MGRN1: variants seen among roughly 807,000 people sequenced by gnomAD.
MGRN1 encodes the protein E3 ubiquitin-protein ligase MGRN1.
MGRN1 carries 29 observed loss-of-function variants against 69.2 expected under a neutral mutation model. The ratio of observed to expected loss-of-function variants is 0.42; its 90% CI spans 0.31 to 0.57. The LOEUF (loss-of-function observed/expected upper bound fraction) is 0.57. Among genes scored for constraint, MGRN1 ranks in the 20% least tolerant of loss-of-function variants. MGRN1 has a pLI of 0.15. For synonymous variants in MGRN1, 470 were observed against 344.2 expected (o/e 1.37, Z -4.04); for missense variants, 998 against 796.2 (o/e 1.25, Z -3.05).
At chr16:4,671,600 T>G (rs1371306242) in intron 9 of MGRN1, 141 bp downstream of exon 9, 12 of 730,486 alleles carry the variant, frequency 1.6e-5, no homozygotes, top group Non-Finnish European at 2.8e-5. Flanking sequence ...TTTCCTTAAT[T>G]TTTTTTAAAG....
intron 1 of MGRN1, chr16:4,633,471 C>T (rs1308228800): frequency 2.0e-5 from 3 of 151,762 alleles, no homozygotes; most frequent in Non-Finnish European, 2.9e-5. Context: ...GCGGGTGGAT[C>T]ACCTGAGGTC....
Position 4,673,743 on chromosome 16 carries a change from A to C in MGRN1, c.955+86A>C, listed in dbSNP as rs544125393. 1.6e-4 allele frequency: 234 copies of C among 1,484,802 alleles called. 2 individuals carry two copies. In the African/African-American group the frequency reaches 3.1e-3, roughly 20 times the overall value. The allele number at this position is 1,484,802 out of a possible 1,614,324, so 92.0% of individuals were successfully genotyped here. A position where few individuals can be genotyped will look rare whatever the true frequency, so the allele number is the denominator to read the frequency against. Reference sequence around the variant, plus strand: ...CGGTGGTCCTGGGATAGGGGGCCACAGGTCCGTTGATGGCTAAGAAAGAAG... The same window carrying C: ...CGGTGGTCCTGGGATAGGGGGCCACCGGTCCGTTGATGGCTAAGAAAGAAG... On this transcript the variant is annotated intron_variant, in intron 10 of 16. Coordinates refer to ENST00000262370, the MANE Select transcript of MGRN1 (RefSeq NM_015246.4).
Position 4,642,466 on chromosome 16 carries a change from TTGTGTGTGTGTGTGTG to T in MGRN1, c.89-7879_89-7864del, listed in dbSNP as rs143119735. Among the ~76,000 whole-genome samples the T allele has an allele frequency of 2.0e-3, 284 of 141,820 alleles. 1 individual carries two copies. Among genetic ancestry groups the T allele is most frequent in the Middle Eastern group, 0.011 (3 of 280 alleles). 93.0% of individuals were successfully genotyped at this position (141,820 alleles called of 152,430 possible). A position where few individuals can be genotyped will look rare whatever the true frequency, so the allele number is the denominator to read the frequency against. ...GCATGCACCACCACGGCCAGCTAAT[TTGTGTGTGTGTGTGTG>T]TGTGTGTGTGTGTGTGTGTTTTTAG... On this transcript the variant is annotated intron_variant, in intron 1 of 16. Coordinates refer to ENST00000262370, the MANE Select transcript of MGRN1 (RefSeq NM_015246.4).
rs541247152 is a variant in MGRN1 at position 4,660,898 on chromosome 16, G to A, written c.561+3535G>A. Reference sequence around the variant, plus strand: ...CACTCTGGCAAGCCCAGGTGTCTGTGGTATCCCTCAGACGGCTGGGAGCTG... The same window carrying A: ...CACTCTGGCAAGCCCAGGTGTCTGTAGTATCCCTCAGACGGCTGGGAGCTG... On this transcript the variant is annotated intron_variant, in intron 5 of 16. Transcript: ENST00000262370. Among the ~76,000 whole-genome samples the A allele has an allele frequency of 1.5e-3, 227 of 152,310 alleles. 1 individual carries two copies. Among genetic ancestry groups the A allele is most frequent in the Non-Finnish European group, 2.5e-3 (168 of 68,032 alleles).
intron 1 of MGRN1, among the ~76,000 whole-genome samples, chr16:4,643,516 C>G (rs534560260): frequency 2.6e-5 from 4 of 151,002 alleles, no homozygotes; most frequent in African/African-American, 9.8e-5. Flanking sequence ...GGACTACAGG[C>G]GCGTGCCACC....
chr16:4,628,115 G>A (rs1311754837), intron 1 of MGRN1, among the ~76,000 whole-genome samples: 8 of 148,102 alleles, frequency 5.4e-5, no homozygotes, highest in East Asian at 2.0e-4. Flanking sequence ...GGGTGGGTGC[G>A]GTGGCTCACG....
chr16:4,663,969 C>G (rs181086329), intron 5 of MGRN1: 1 of 152,452 alleles, frequency 6.6e-6, no homozygotes, highest in African/African-American at 2.4e-5. Flanking sequence ...GGGGCCAAGT[C>G]CGGTGCCTTC....
chr16:4,642,464 ATT>A (rs917326738), intron 1 of MGRN1, among the ~76,000 whole-genome samples: 1 of 124,156 alleles, frequency 8.1e-6, no homozygotes, highest in Non-Finnish European at 1.6e-5. Flanking sequence ...CGGCCAGCTA[ATT>A]TGTGTGTGTG....
intron 5 of MGRN1, 85 bp downstream of exon 5, chr16:4,657,448 G>A: frequency 7.6e-7 from 1 of 1,318,008 alleles, no homozygotes; most frequent in Admixed American, 1.7e-5. Flanking sequence ...TGGGGTCTGT[G>A]TGTTTGGCTT....
rs12935545 is a variant in MGRN1, at chr16:4,688,848, C to G, written c.1671C>G (p.Thr557=). ...ACGGCCTCGCCACCACCAGCCCCACCTGGCCTCCACTTGGTGGCCCCAGCC... is the reference window on the plus strand; with the variant it reads ...ACGGCCTCGCCACCACCAGCCCCACGTGGCCTCCACTTGGTGGCCCCAGCC... ...TAHGLATTSP[T]WPPLGGPSPD... is the part of the protein sequence containing the mutation. Residue 557 remains threonine (T), a synonymous_variant, in exon 17 of 17, where the codon ACC becomes ACG. Transcript: ENST00000262370. The G allele has an allele frequency of 1.9e-6, 3 of 1,555,120 alleles. No homozygotes were observed. The highest frequency in any genetic ancestry group is 2.7e-5 in the African/African-American group (2 of 73,234).
intron 1 of MGRN1, among the ~76,000 whole-genome samples, chr16:4,642,788 A>ATTTT (rs79535290): frequency 2.9e-5 from 4 of 140,188 alleles, no homozygotes; most frequent in Non-Finnish European, 3.1e-5. Context: ...TAACGCTTGA[A>ATTTT]TTTTTTTTTT....
At chr16:4,643,054 C>A (rs1199777571) in intron 1 of MGRN1, among the ~76,000 whole-genome samples, 1 of 152,128 alleles carries the variant, frequency 6.6e-6, no homozygotes, top group Non-Finnish European at 1.5e-5. Context: ...CTCCCAAGTT[C>A]AAGCGATTCT....
intron 1 of MGRN1, among the ~76,000 whole-genome samples, chr16:4,638,988 C>G (rs2078097000): frequency 6.6e-6 from 1 of 152,162 alleles, no homozygotes; most frequent in Non-Finnish European, 1.5e-5. Flanking sequence ...AGTGCAGGCT[C>G]TGGAGTCTGC....
intron 4 of MGRN1, among the ~76,000 whole-genome samples, chr16:4,654,832 G>A (rs903450097): frequency 1.3e-5 from 2 of 152,190 alleles, no homozygotes; most frequent in African/African-American, 2.4e-5. Flanking sequence ...AGGTGAGGCC[G>A]CCCTTGGGCT....
chr16:4,625,492 T>G (rs935035521), intron 1 of MGRN1, among the ~76,000 whole-genome samples: 1 of 152,192 alleles, frequency 6.6e-6, no homozygotes, highest in Non-Finnish European at 1.5e-5. Flanking sequence ...AGCCAGTGGT[T>G]TGGGCAATTT....
Position 4,681,712 on chromosome 16 carries a change from G to T in MGRN1, c.1294G>T (p.Ala432Ser). Residue 432 changes from alanine (A) to serine (S), a missense_variant, in exon 13 of 17, where the codon GCT (alanine) becomes TCT (serine). Transcript: ENST00000262370. ...GTCCCAGGCCAGCTGTCCCCTCGCG[G>T]CTATCGACCACATCCTGGACAGCAG... ...GLSQASCPLA[A>S]IDHILDSSRQ... 6.2e-7 allele frequency: 1 copy of T among 1,613,248 alleles called. No homozygotes were observed. Among genetic ancestry groups the T allele is most frequent in the African/African-American group, 1.3e-5 (1 of 75,070 alleles).
In MGRN1 at chr16:4,681,687, G is replaced by T. The variant is rs751789718; in HGVS notation, c.1269G>T (p.Leu423=). 1 of 1,613,424 alleles carries T rather than the reference G, an allele frequency of 6.2e-7. No individual in the cohort carries two copies. The highest frequency in any genetic ancestry group is 1.1e-5 in the South Asian group (1 of 91,088). The change falls in exon 13 of 17, where the codon CTG becomes CTT. Residue 423 remains leucine, a synonymous_variant. Coordinates refer to ENST00000262370, the MANE Select transcript of MGRN1 (RefSeq NM_015246.4). ...CCTATTCAGGCATCTCGGACGGCCT[G>T]TCCCAGGCCAGCTGTCCCCTCGCGG... ...EITYSGISDG[L]SQASCPLAAI...
rs1419306529 is a variant in MGRN1 at position 4,665,442 on chromosome 16, C to T, written c.678+291C>T. On this transcript the variant is annotated intron_variant, in intron 7 of 16. Transcript: ENST00000262370. ...TTCAGTGGCGTGATCTCTCTCGGCT[C>T]ACTGCAACCTCTGCCTCCTGGGTTC... 2.7e-5 allele frequency among the ~76,000 whole-genome samples: 4 copies of T among 150,464 alleles called. No homozygotes were observed. In the East Asian group the frequency reaches 7.9e-4, roughly 30 times the overall value.
intron 15 of MGRN1, 72 bp downstream of exon 15, chr16:4,683,341 G>T: frequency 6.4e-7 from 1 of 1,560,452 alleles, no homozygotes; most frequent in African/African-American, 1.4e-5. Context: ...GGGCCTTAGG[G>T]CTCCAGGTGG....
Sources: allele counts gnomAD v4.1 joint callset (sites outside exome capture counted in the v4.1 genomes callset), GRCh38; gene constraint gnomAD v4.1.1; transcripts MANE v1.5; gene names NCBI Gene and HGNC (gene_info 2026-07-23, HGNC 2026-07-21).